Variants in ZNF536 observed in about 807,000 individuals in gnomAD.
The protein encoded by ZNF536 is zinc finger protein 536.
ZNF536 carries 13 observed loss-of-function variants against 84.5 expected under a neutral mutation model. That is an observed-to-expected ratio of 0.15 (90% CI 0.10 to 0.24). The LOEUF (loss-of-function observed/expected upper bound fraction) is 0.24. ZNF536 is among the 10% of genes least tolerant of loss of function. ZNF536 has a pLI of 1.00. For synonymous variants in ZNF536, 811 were observed against 742.5 expected (o/e 1.09, Z -1.50); for missense variants, 1,536 against 1,747.5 (o/e 0.88, Z 2.16).
chr19:30,594,436 C>T (rs147558696), intron 1 of ZNF536, among the ~76,000 whole-genome samples: 12 of 152,336 alleles, frequency 7.9e-5, no homozygotes, highest in African/African-American at 2.9e-4. Flanking sequence ...CCTCAGTCTC[C>T]CCCTGCTCCC....
chr19:30,428,979 G>A (rs1285231118), intron 1 of ZNF536, among the ~76,000 whole-genome samples: 10 of 152,264 alleles, frequency 6.6e-5, no homozygotes, highest in African/African-American at 7.2e-5. Context: ...AGCCTGACCC[G>A]CTTCCTTGTC....
At chr19:30,229,557 G>A (rs2022863641) in intron 1 of ZNF536, among the ~76,000 whole-genome samples, 1 of 149,840 alleles carries the variant, frequency 6.7e-6, no homozygotes, top group East Asian at 2.0e-4. Context: ...CACCCTGAAA[G>A]CTGCTGCGGG....
chr19:30,508,436 C>G (rs747287750), intron 2 of ZNF536, among the ~76,000 whole-genome samples: 3 of 152,120 alleles, frequency 2.0e-5, no homozygotes, highest in Non-Finnish European at 4.4e-5. Flanking sequence ...ATGACTGGGA[C>G]CAGGTCAGAA....
chr19:30,312,154 G>A (rs933197461), intron 2 of ZNF536, among the ~76,000 whole-genome samples: 30 of 152,288 alleles, frequency 2.0e-4, no homozygotes, highest in African/African-American at 5.8e-4. Context: ...GGACACCTGG[G>A]TACAGTTTGC....
At chr19:30,527,482 A>G (rs1206517961) in intron 2 of ZNF536, among the ~76,000 whole-genome samples, 1 of 151,926 alleles carries the variant, frequency 6.6e-6, no homozygotes, top group Non-Finnish European at 1.5e-5. Flanking sequence ...ACAAGTGGAC[A>G]TCGTTTTCTA....
At chr19:30,230,003 C>T (rs779661345) in intron 1 of ZNF536, among the ~76,000 whole-genome samples, 30 of 152,300 alleles carry the variant, frequency 2.0e-4, no homozygotes, top group Admixed American at 1.3e-3. Flanking sequence ...TCTGGTCAAA[C>T]TTAAGTGCGA....
rs185418291 is a variant in ZNF536 at position 30,318,688 on chromosome 19, C to T, written c.-119-33680C>T. On this transcript the variant is annotated intron_variant, in intron 2 of 5. Transcript: ENST00000585628. ...ATACACGTGTGTTTGCATGTGTGTGCATGGCGCACATGTGTGCGCTTGCAT... is the reference window on the plus strand; with the variant it reads ...ATACACGTGTGTTTGCATGTGTGTGTATGGCGCACATGTGTGCGCTTGCAT... 4.6e-5 allele frequency among the ~76,000 whole-genome samples: 7 copies of T among 152,330 alleles called. No homozygotes were observed. In the East Asian group the frequency reaches 1.2e-3, roughly 25 times the overall value.
intron 1 of ZNF536, among the ~76,000 whole-genome samples, chr19:30,384,041 C>T (rs73020951): frequency 3.8e-5 from 5 of 130,930 alleles, no homozygotes; most frequent in Admixed American, 3.1e-4. Flanking sequence ...TGTGGCCCCA[C>T]GGTCTGCTAC....
At chr19:30,497,336 G>A (rs886329312) in intron 2 of ZNF536, among the ~76,000 whole-genome samples, 1 of 152,170 alleles carries the variant, frequency 6.6e-6, no homozygotes, top group Non-Finnish European at 1.5e-5. Context: ...CTTCCCATTG[G>A]CTGGGTCATT....
chr19:30,379,518 G>T (rs2048941296), intron 1 of ZNF536, among the ~76,000 whole-genome samples: 1 of 151,772 alleles, frequency 6.6e-6, no homozygotes, highest in South Asian at 2.1e-4. Flanking sequence ...ATGGGGTGGG[G>T]CAGGGATGTA....
chr19:30,522,373 T>A (rs1011622968), intron 2 of ZNF536, among the ~76,000 whole-genome samples: 13 of 149,786 alleles, frequency 8.7e-5, no homozygotes, highest in Non-Finnish European at 7.4e-5. Flanking sequence ...TTCAAAAAAA[T>A]TTTTTAAGCT....
At chr19:30,569,322 T>A (rs933812955) in intron 1 of ZNF536, among the ~76,000 whole-genome samples, 5 of 152,142 alleles carry the variant, frequency 3.3e-5, no homozygotes, top group Middle Eastern at 6.3e-3. Context: ...ACCCTGGAGA[T>A]GCATCCATTC....
chr19:30,519,287 C>G (rs968135265), intron 2 of ZNF536, among the ~76,000 whole-genome samples: 1 of 152,220 alleles, frequency 6.6e-6, no homozygotes, highest in Non-Finnish European at 1.5e-5. Context: ...GTGTGGATGT[C>G]GAGCCCTGGC....
intron 1 of ZNF536, among the ~76,000 whole-genome samples, chr19:30,274,926 C>T (rs1009163327): frequency 3.9e-5 from 6 of 152,194 alleles, no homozygotes; most frequent in African/African-American, 7.2e-5. Flanking sequence ...TAAAGCGATA[C>T]GTATGTTGAG....
chr19:30,411,803 T>C (rs892497259), intron 1 of ZNF536, among the ~76,000 whole-genome samples: 4 of 152,154 alleles, frequency 2.6e-5, no homozygotes, highest in African/African-American at 9.6e-5. Flanking sequence ...GAATTTTAGA[T>C]TTCACTTGAT....
At chr19:30,300,189 T>A (rs190205634) in intron 2 of ZNF536, among the ~76,000 whole-genome samples, 4 of 152,156 alleles carry the variant, frequency 2.6e-5, no homozygotes, top group Non-Finnish European at 4.4e-5. Flanking sequence ...AGCAGGCATT[T>A]CCCCCCGTCC....
intron 1 of ZNF536, among the ~76,000 whole-genome samples, chr19:30,583,351 G>T (rs1055116009): frequency 1.3e-5 from 2 of 152,206 alleles, no homozygotes; most frequent in East Asian, 1.9e-4. Flanking sequence ...AGATGCCCCG[G>T]GTGGCTCCAA....
chr19:30,488,455 C>T (rs970998345), intron 2 of ZNF536, among the ~76,000 whole-genome samples: 1 of 151,994 alleles, frequency 6.6e-6, no homozygotes, highest in Non-Finnish European at 1.5e-5. Context: ...TTCTTTTTCT[C>T]CTTTAGTCCT....
intron 1 of ZNF536, among the ~76,000 whole-genome samples, chr19:30,609,773 C>CCCATCCATCCATCCATCCATCCAT (rs34324485): frequency 2.2e-5 from 3 of 136,852 alleles, no homozygotes; most frequent in South Asian, 4.8e-4. Context: ...CACCCATCTA[C>CCCATCCATCCATCCATCCATCCAT]CCATCCATCC....
Sources: allele counts gnomAD v4.1 joint callset (sites outside exome capture counted in the v4.1 genomes callset), GRCh38; gene constraint gnomAD v4.1.1; transcripts MANE v1.5; gene names NCBI Gene and HGNC (gene_info 2026-07-23, HGNC 2026-07-21).